The following JARID2 variants were observed in gnomAD, a reference collection of about 807,000 sequenced individuals.
The protein encoded by JARID2 is protein Jumonji.
A neutral mutation model predicts 125.6 loss-of-function variants in JARID2; 21 were observed. The ratio of observed to expected loss-of-function variants is 0.17; its 90% confidence interval spans 0.12 to 0.24. JARID2 has a LOEUF of 0.24. Ranked by LOEUF, JARID2 falls within the 10% of genes least tolerant of loss-of-function variation. JARID2 has a pLI of 1.00. For missense variants in JARID2, 1,303 were observed against 1,639.6 expected (o/e 0.79, Z 3.55); for synonymous variants, 736 against 661.6 (o/e 1.11, Z -1.73).
At chr6:15,477,898 G>A (rs533421857) in intron 5 of JARID2, among the ~76,000 whole-genome samples, 7 of 152,314 alleles carry the variant, frequency 4.6e-5, no homozygotes, top group Non-Finnish European at 8.8e-5. Flanking sequence ...CCTGGGGCAC[G>A]ATGAGGACTG....
intron 3 of JARID2, among the ~76,000 whole-genome samples, chr6:15,418,649 C>G (rs1204203796): frequency 6.6e-6 from 1 of 151,854 alleles, no homozygotes; most frequent in Non-Finnish European, 1.5e-5. Flanking sequence ...TTTTGTTAAA[C>G]AAGGAGCTGC....
rs1766909340 is a variant in JARID2 at position 15,430,156 on chromosome 6, A to G, written c.323+19791A>G. ...GCATCTATGTCCATGATAATAAAAT[A>G]ATGTCTTATAAGGATGCCATTAAAT... On this transcript the variant is annotated intron_variant, in intron 3 of 17. Transcript: ENST00000341776. Among the ~76,000 whole-genome samples the G allele has an allele frequency of 1.3e-5, 2 of 152,318 alleles. 1 individual carries two copies. Among genetic ancestry groups the G allele is most frequent in the African/African-American group, 4.8e-5 (2 of 41,566 alleles).
intron 3 of JARID2, among the ~76,000 whole-genome samples, chr6:15,416,233 G>A (rs1014124700): frequency 6.7e-6 from 1 of 150,112 alleles, no homozygotes; most frequent in African/African-American, 2.5e-5. Context: ...GGCTCCTCAT[G>A]TCCCAGACGA....
Position 15,423,379 on chromosome 6 carries a change from C to G in JARID2, c.323+13014C>G, listed in dbSNP as rs141247831. 5.9e-5 allele frequency among the ~76,000 whole-genome samples: 9 copies of G among 152,152 alleles called. No homozygotes were observed. The East Asian group carries it at 1.5e-3, about 26-fold the overall frequency. On this transcript the variant is annotated intron_variant, in intron 3 of 17. Transcript: ENST00000341776. Reference sequence around the variant, plus strand: ...GTTGGGGACAGGATAGTGGTTTTGGCTTTTGGGAAGAATTGTGCAACTACT... The same window carrying G: ...GTTGGGGACAGGATAGTGGTTTTGGGTTTTGGGAAGAATTGTGCAACTACT...
At chr6:15,310,364 G>A (rs1182959391) in intron 1 of JARID2, among the ~76,000 whole-genome samples, 2 of 152,186 alleles carry the variant, frequency 1.3e-5, no homozygotes, top group Non-Finnish European at 2.9e-5. Context: ...TAGTCACAGT[G>A]GAACTGGTCT....
intron 2 of JARID2, among the ~76,000 whole-genome samples, chr6:15,399,377 A>G (rs1035236170): frequency 6.6e-6 from 1 of 152,118 alleles, no homozygotes; most frequent in African/African-American, 2.4e-5. Flanking sequence ...TTCATCATCT[A>G]TGAAGTGGGG....
At position 15,331,356 on chromosome 6, in the gene JARID2, C is replaced by A. The variant is rs76855687; in HGVS notation, c.46-42761C>A. 4.2e-3 allele frequency among the ~76,000 whole-genome samples: 476 copies of A among 112,254 alleles called. 1 individual carries two copies. The highest frequency in any genetic ancestry group is 0.013 in the African/African-American group (448 of 34,094). The allele number at this position is 112,254 out of a possible 152,430, so 73.6% of individuals were successfully genotyped here. A position where few individuals can be genotyped will look rare whatever the true frequency, so the allele number is the denominator to read the frequency against. On this transcript the variant is annotated intron_variant, in intron 1 of 17. Coordinates refer to ENST00000341776, the MANE Select transcript of JARID2 (RefSeq NM_004973.4). ...GCCTCAAAAAAAACAAAAACAAAAACAAAAAAAACAAAAAACCTGTAGGCC... is the reference window on the plus strand; with the variant it reads ...GCCTCAAAAAAAACAAAAACAAAAAAAAAAAAAACAAAAAACCTGTAGGCC...
intron 2 of JARID2, among the ~76,000 whole-genome samples, chr6:15,383,014 G>A (rs964319071): frequency 3.9e-5 from 6 of 152,134 alleles, no homozygotes; most frequent in African/African-American, 1.4e-4. Flanking sequence ...GGGCGGAGGA[G>A]GTGGTCTGTG....
At chr6:15,261,271 C>T (rs149782407) in intron 1 of JARID2, among the ~76,000 whole-genome samples, 8 of 150,946 alleles carry the variant, frequency 5.3e-5, no homozygotes, top group East Asian at 1.9e-4. Flanking sequence ...GCATTATATA[C>T]GGTCTATGAA....
Position 15,496,995 on chromosome 6 carries a change from C to T in JARID2, c.1770C>T (p.Ile590=), listed in dbSNP as rs371491494. ...QVEKFGMCRV[I]PPPDWRPECK... The stretch of plus-strand genomic sequence containing the variant: ...AGAAGTTCGGGATGTGCAGGGTGAT[C>T]CCCCCTCCGGACTGGCGGCCCGAGT... The change falls in exon 7 of 18, where the codon ATC becomes ATT. Residue 590 remains isoleucine (I), a synonymous_variant. Transcript: ENST00000341776. 5 of 1,613,788 alleles carry T rather than the reference C, an allele frequency of 3.1e-6. No homozygotes were observed. The highest frequency in any genetic ancestry group is 4.2e-6 in the Non-Finnish European group (5 of 1,179,822).
At chr6:15,428,475 G>C (rs189135375) in intron 3 of JARID2, among the ~76,000 whole-genome samples, 101 of 152,186 alleles carry the variant, frequency 6.6e-4, no homozygotes, top group African/African-American at 2.3e-3. Context: ...CTGTGTCCAA[G>C]TGTTCTCATT....
intron 3 of JARID2, among the ~76,000 whole-genome samples, chr6:15,442,111 A>G (rs36062718): frequency 0.098 from 13,967 of 142,246 alleles, 785 homozygotes; most frequent in South Asian, 0.16. Flanking sequence ...TTGCATTTTG[A>G]AAAAAAAAAA....
At chr6:15,446,405 G>A (rs1767672303) in intron 3 of JARID2, among the ~76,000 whole-genome samples, 1 of 152,238 alleles carries the variant, frequency 6.6e-6, no homozygotes, top group African/African-American at 2.4e-5. Context: ...CTTCTGTGCA[G>A]AGGCTTCTGT....
intron 1 of JARID2, among the ~76,000 whole-genome samples, chr6:15,350,723 G>GT (rs1487142395): frequency 5.2e-5 from 7 of 135,594 alleles, no homozygotes; most frequent in African/African-American, 1.1e-4. Flanking sequence ...CCAAATCATA[G>GT]TTTAAGGTTT....
chr6:15,416,681 A>AGAGAGGGAGAGGGAGACCGTGGG (rs937630129), intron 3 of JARID2, among the ~76,000 whole-genome samples: 17 of 128,836 alleles, frequency 1.3e-4, no homozygotes, highest in East Asian at 9.0e-4. Flanking sequence ...GACCGTGGAA[A>AGAGAGGGAGAGGGAGACCGTGGG]GAGAGGGAGA....
At chr6:15,344,247 G>A (rs763644520) in intron 1 of JARID2, among the ~76,000 whole-genome samples, 2 of 150,994 alleles carry the variant, frequency 1.3e-5, no homozygotes. Flanking sequence ...TTTTTATTCA[G>A]TGGGTGGTGC....
intron 1 of JARID2, among the ~76,000 whole-genome samples, chr6:15,297,607 C>G (rs7766363): frequency 6.6e-6 from 1 of 151,954 alleles, no homozygotes; most frequent in Non-Finnish European, 1.5e-5. Flanking sequence ...TCCCAAAGCA[C>G]TGGGATTTAC....
At chr6:15,420,811 C>G (rs1186761296) in intron 3 of JARID2, among the ~76,000 whole-genome samples, 1 of 152,218 alleles carries the variant, frequency 6.6e-6, no homozygotes, top group Non-Finnish European at 1.5e-5. Flanking sequence ...CCCTGCTACT[C>G]AGGCAAAAAC....
At chr6:15,326,368 G>T (rs539517366) in intron 1 of JARID2, among the ~76,000 whole-genome samples, 31 of 152,176 alleles carry the variant, frequency 2.0e-4, no homozygotes, top group Non-Finnish European at 4.3e-4. Context: ...ACCATACCCA[G>T]CTAATTTTTA....
Sources: gnomAD v4.1 joint callset for allele counts (sites outside exome capture counted in the v4.1 genomes callset) on GRCh38, gnomAD v4.1.1 for gene constraint, MANE v1.5 for transcripts, NCBI Gene and HGNC (gene_info 2026-07-23, HGNC 2026-07-21) for gene names.